OCM: variants seen among roughly 807,000 people sequenced by gnomAD.
The protein encoded by OCM is oncomodulin.
In OCM, 18 loss-of-function variants were observed where a neutral mutation model predicts 14.1. The observed-to-expected ratio is 1.28, with a 90% CI of 0.88 to 1.89. The LOEUF is 1.89. OCM is among the 40% of genes most tolerant of loss of function. OCM has a pLI of 0.00. For synonymous variants in OCM, 48 were observed against 51.0 expected (o/e 0.94, Z 0.25); for missense variants, 140 against 137.6 (o/e 1.02, Z -0.09).
the OCM span, among the ~76,000 whole-genome samples, chr7:5,873,989 G>A: frequency 6.6e-6 from 1 of 151,398 alleles, no homozygotes. Context: ...GCTGAGGGGG[G>A]CGGACTACTT....
upstream of OCM, among the ~76,000 whole-genome samples, chr7:5,880,327 CA>C (rs1248728722): frequency 1.3e-5 from 2 of 150,674 alleles, no homozygotes; most frequent in African/African-American, 2.5e-5. Flanking sequence ...TTCTTTGGGT[CA>C]TTTTTTTTTT....
chr7:5,860,526 G>A, the OCM span, among the ~76,000 whole-genome samples: 2 of 85,620 alleles, frequency 2.3e-5, no homozygotes, highest in East Asian at 5.5e-4. Flanking sequence ...GTATATATAC[G>A]TGTGTATATA....
the OCM span, among the ~76,000 whole-genome samples, chr7:5,867,635 A>G: frequency 6.6e-6 from 1 of 151,948 alleles, no homozygotes; most frequent in Non-Finnish European, 1.5e-5. Context: ...ATATTAGGCC[A>G]CTTGAAGTTG....
At chr7:5,865,549 C>G in the OCM span, among the ~76,000 whole-genome samples, 11 of 152,184 alleles carry the variant, frequency 7.2e-5, no homozygotes, top group Non-Finnish European at 1.5e-5. Flanking sequence ...ATTCCCATAG[C>G]TTGTCAGCCA....
the OCM span, among the ~76,000 whole-genome samples, chr7:5,860,285 G>C: frequency 6.7e-6 from 1 of 150,348 alleles, no homozygotes; most frequent in Non-Finnish European, 1.5e-5. Flanking sequence ...ATACCATTTT[G>C]TTTCTTTTCT....
the OCM span, chr7:5,872,137 G>A: frequency 1.3e-5 from 2 of 152,168 alleles, no homozygotes; most frequent in African/African-American, 2.4e-5. Flanking sequence ...CACACCTATC[G>A]TAGGTCACAA....
At position 5,886,357 on chromosome 7, in the gene OCM, C is replaced by G; in HGVS notation, c.*268C>G. 4.1e-6 allele frequency: 2 copies of G among 482,196 alleles called. No individual in the cohort carries two copies. The highest frequency in any genetic ancestry group is 7.6e-6 in the Non-Finnish European group (2 of 264,320). The allele number at this position is 482,196 out of a possible 1,614,324, so 29.9% of individuals were successfully genotyped here. ...AAAATCACCCAATAAAGACAGGCTT[C>G]TCATCATCTGCTGATGTGTGGGCGT... On this transcript the variant is annotated 3_prime_UTR_variant, in exon 4 of 4. Transcript: ENST00000242104.
At chr7:5,860,534 A>G in the OCM span, among the ~76,000 whole-genome samples, 1 of 111,526 alleles carries the variant, frequency 9.0e-6, no homozygotes, top group African/African-American at 3.7e-5. Context: ...ACGTGTGTAT[A>G]TATATTACGT....
the OCM span, among the ~76,000 whole-genome samples, chr7:5,872,995 G>T: frequency 6.6e-6 from 1 of 152,164 alleles, no homozygotes. Context: ...TTGAGCCCAG[G>T]AGGTCAAGGC....
At chr7:5,876,210 G>T (rs529153288), upstream of OCM, among the ~76,000 whole-genome samples, 3 of 152,164 alleles carry the variant, frequency 2.0e-5, no homozygotes, top group South Asian at 2.1e-4. Flanking sequence ...CACCATGTTG[G>T]CCAGGCTGGC....
chr7:5,866,251 A>G, the OCM span, among the ~76,000 whole-genome samples: 2 of 150,316 alleles, frequency 1.3e-5, no homozygotes, highest in Non-Finnish European at 3.0e-5. Context: ...CATTGAGCCC[A>G]GGAGTTCAAG....
the OCM span, among the ~76,000 whole-genome samples, chr7:5,866,087 G>T: frequency 6.6e-6 from 1 of 151,844 alleles, no homozygotes; most frequent in South Asian, 2.1e-4. Context: ...TGGGGAGGCT[G>T]AAGGAGGAGG....
upstream of OCM, among the ~76,000 whole-genome samples, chr7:5,878,468 C>T (rs556682648): frequency 7.3e-5 from 11 of 149,950 alleles, no homozygotes; most frequent in South Asian, 2.2e-4. Flanking sequence ...TAAGATTGGC[C>T]GGGCGCGGTG....
the OCM span, among the ~76,000 whole-genome samples, chr7:5,864,011 G>A: frequency 3.3e-5 from 5 of 151,800 alleles, no homozygotes; most frequent in African/African-American, 1.2e-4. Flanking sequence ...TTGAGAAGGA[G>A]ATCAGGAATG....
the OCM span, among the ~76,000 whole-genome samples, chr7:5,869,371 G>A: frequency 6.6e-6 from 1 of 152,074 alleles, no homozygotes; most frequent in Non-Finnish European, 1.5e-5. Flanking sequence ...GCCGAGGCAG[G>A]TGGATCACTT....
chr7:5,878,896 AAAAG>A (rs1036511718), upstream of OCM, among the ~76,000 whole-genome samples: 10 of 144,306 alleles, frequency 6.9e-5, no homozygotes, highest in African/African-American at 2.9e-4. Flanking sequence ...AAAAAAAAAA[AAAAG>A]CCAGGCGCAG....
the OCM span, among the ~76,000 whole-genome samples, chr7:5,867,295 T>G: frequency 6.6e-6 from 1 of 152,104 alleles, no homozygotes; most frequent in Non-Finnish European, 1.5e-5. Context: ...CTGGGCAACA[T>G]AGCAAGACCC....
the OCM span, among the ~76,000 whole-genome samples, chr7:5,869,659 A>T: frequency 8.9e-3 from 1,359 of 152,170 alleles, 27 homozygotes; most frequent in South Asian, 0.03. Context: ...CTATGATCTC[A>T]TTCCCACCTG....
chr7:5,873,229 C>T, the OCM span, among the ~76,000 whole-genome samples: 17 of 151,858 alleles, frequency 1.1e-4, no homozygotes, highest in East Asian at 5.8e-4. Context: ...ACAAAAAATT[C>T]GCAGGGTATG....
Sources: gnomAD v4.1 joint callset for allele counts (sites outside exome capture counted in the v4.1 genomes callset) on GRCh38, gnomAD v4.1.1 for gene constraint, MANE v1.5 for transcripts, NCBI Gene and HGNC (gene_info 2026-07-23, HGNC 2026-07-21) for gene names.